Variants in UBE2D3 observed in about 807,000 individuals in gnomAD.
UBE2D3 encodes the protein ubiquitin conjugating enzyme E2 D3.
UBE2D3 carries 2 observed loss-of-function variants against 22.8 expected under a neutral mutation model. The ratio of observed to expected loss-of-function variants is 0.09; its 90% CI spans 0.04 to 0.28. The LOEUF is 0.28. Among genes scored for constraint, UBE2D3 ranks in the 10% least tolerant of loss-of-function variants. The pLI, the probability that UBE2D3 is intolerant of heterozygous loss-of-function variation, is 1.00. For synonymous variants in UBE2D3, 56 were observed against 60.4 expected, an observed-to-expected ratio of 0.93 and a Z score of 0.34; for missense variants, 27 against 182.5, an observed-to-expected ratio of 0.15 and a Z score of 4.91.
intron 1 of UBE2D3, among the ~76,000 whole-genome samples, chr4:102,853,135 ATTTTTTT>A (rs151339235): frequency 1.4e-4 from 12 of 88,598 alleles, no homozygotes; most frequent in Admixed American, 2.9e-4. Context: ...AAACACACAC[ATTTTTTT>A]TTTTTTTTTT....
intron 4 of UBE2D3, among the ~76,000 whole-genome samples, chr4:102,805,398 A>G (rs904227744): frequency 1.3e-5 from 2 of 152,042 alleles, no homozygotes; most frequent in African/African-American, 4.8e-5. Context: ...TTTATGTTAG[A>G]TTTTTTCAGA....
At chr4:102,859,623 CTT>C (rs1732784394) in intron 1 of UBE2D3, among the ~76,000 whole-genome samples, 1 of 151,716 alleles carries the variant, frequency 6.6e-6, no homozygotes, top group African/African-American at 2.4e-5. Context: ...AATCTGCCTC[CTT>C]TCTCTTTCTC....
intron 1 of UBE2D3, among the ~76,000 whole-genome samples, chr4:102,835,464 A>G (rs1354765789): frequency 6.6e-6 from 1 of 152,238 alleles, no homozygotes; most frequent in African/African-American, 2.4e-5. Flanking sequence ...AATATGAAGT[A>G]TATTAGAGAT....
At chr4:102,809,621 T>A in intron 4 of UBE2D3, 51 bp downstream of exon 4, 1 of 1,520,520 alleles carries the variant, frequency 6.6e-7, no homozygotes, top group Non-Finnish European at 8.9e-7. Context: ...TACAACCAAA[T>A]CAATGCTGGA....
At chr4:102,806,747 TAA>T (rs557923316) in intron 4 of UBE2D3, among the ~76,000 whole-genome samples, 126 of 152,240 alleles carry the variant, frequency 8.3e-4, no homozygotes, top group Non-Finnish European at 1.6e-3. Context: ...TTTAAGCAAG[TAA>T]ATATCAGAGG....
intron 1 of UBE2D3, among the ~76,000 whole-genome samples, chr4:102,833,489 G>A (rs980359883): frequency 9.9e-5 from 15 of 152,184 alleles, no homozygotes; most frequent in African/African-American, 3.6e-4. Context: ...AGGTGACTGA[G>A]ACTGTGCTTA....
intron 1 of UBE2D3, among the ~76,000 whole-genome samples, chr4:102,867,664 C>T (rs932614281): frequency 3.3e-5 from 5 of 152,054 alleles, no homozygotes; most frequent in African/African-American, 1.2e-4. Flanking sequence ...TTGGGTGTGG[C>T]AGCACACGCC....
At chr4:102,831,284 T>C (rs1731102259), upstream of UBE2D3, among the ~76,000 whole-genome samples, 1 of 152,242 alleles carries the variant, frequency 6.6e-6, no homozygotes, top group Admixed American at 6.5e-5. Flanking sequence ...TTGATTTCTA[T>C]ACTTAACAAT....
At chr4:102,837,757 C>G (rs956892367) in intron 1 of UBE2D3, among the ~76,000 whole-genome samples, 3 of 152,176 alleles carry the variant, frequency 2.0e-5, no homozygotes, top group African/African-American at 7.2e-5. Flanking sequence ...CGAGACCATC[C>G]TGGCTAACAT....
chr4:102,827,569 T>C, upstream of UBE2D3: 2 of 986,244 alleles, frequency 2.0e-6, no homozygotes, highest in Non-Finnish European at 2.4e-6. Flanking sequence ...GCTGCCACGC[T>C]CCGCCCCTCC....
intron 1 of UBE2D3, among the ~76,000 whole-genome samples, chr4:102,845,966 T>G (rs563690573): frequency 3.5e-4 from 54 of 152,256 alleles, no homozygotes; most frequent in Admixed American, 8.5e-4. Flanking sequence ...AATTTTTGTA[T>G]TTTTACTAGA....
intron 1 of UBE2D3, among the ~76,000 whole-genome samples, chr4:102,833,669 T>C (rs1006885961): frequency 6.6e-6 from 1 of 152,208 alleles, no homozygotes; most frequent in African/African-American, 2.4e-5. Flanking sequence ...GCTAGGCAGG[T>C]AGAACAGATA....
At chr4:102,823,526 A>T (rs76087045) in intron 2 of UBE2D3, among the ~76,000 whole-genome samples, 2,358 of 152,334 alleles carry the variant, frequency 0.015, 60 homozygotes, top group African/African-American at 0.051. Flanking sequence ...GGGTGTATAC[A>T]ATGAAAACAT....
chr4:102,858,967 T>G lies in UBE2D3; in HGVS notation c.-129+9748A>C, dbSNP rs138571323. 7.1e-4 allele frequency among the ~76,000 whole-genome samples: 108 copies of G among 152,172 alleles called. 2 individuals are homozygous for G. Among genetic ancestry groups the G allele is most frequent in the African/African-American group, 2.5e-3 (105 of 41,566 alleles). On this transcript the variant is annotated intron_variant, in intron 1 of 7. Transcript: ENST00000338145. ...CCATTACATTACAGTATTCTGAATGTAACTCTATACTTCCCTTTACCAGGG... is the reference window on the plus strand; with the variant it reads ...CCATTACATTACAGTATTCTGAATGGAACTCTATACTTCCCTTTACCAGGG...
chr4:102,811,461 C>G (rs1170713080), intron 2 of UBE2D3: 1 of 162,510 alleles, frequency 6.2e-6, no homozygotes, highest in Non-Finnish European at 1.3e-5. Flanking sequence ...AAGGGTGGAT[C>G]ACCTAAGGTC....
rs1460007677 is a variant in UBE2D3, at chr4:102,827,472, C to A, written c.-174G>T. ...CAAGCTGCGGCCTCGGCCTCCTCCCCGCGCGGCAGCTGGTGCCTCCCCGGC... is the reference window on the plus strand; with the variant it reads ...CAAGCTGCGGCCTCGGCCTCCTCCCAGCGCGGCAGCTGGTGCCTCCCCGGC... On this transcript the variant is annotated 5_prime_UTR_variant, in exon 1 of 8. Transcript: ENST00000453744. 38 of 986,102 alleles carry A rather than the reference C, an allele frequency of 3.9e-5. No homozygotes were observed. The highest frequency in any genetic ancestry group is 6.1e-5 in the Admixed American group (1 of 16,280). The allele number at this position is 986,102 out of a possible 1,614,324, so 61.1% of individuals were successfully genotyped here. A position where few individuals can be genotyped will look rare whatever the true frequency, so the allele number is the denominator to read the frequency against.
At chr4:102,827,644 C>T (rs1294686824), upstream of UBE2D3, 24 of 986,192 alleles carry the variant, frequency 2.4e-5, no homozygotes, top group Non-Finnish European at 2.8e-5. Flanking sequence ...AGCACAAGAC[C>T]GATGTGAGGC....
chr4:102,809,022 T>TAAAA (rs3974641), intron 4 of UBE2D3: 9 of 152,400 alleles, frequency 5.9e-5, no homozygotes, highest in South Asian at 3.1e-4. Flanking sequence ...CTTAGCAAGT[T>TAAAA]AAAAAAAAAA....
chr4:102,816,582 C>T (rs1340022048), intron 2 of UBE2D3, among the ~76,000 whole-genome samples: 6 of 152,148 alleles, frequency 3.9e-5, no homozygotes, highest in African/African-American at 9.7e-5. Context: ...AAAATATATA[C>T]AGCAGTAGTG....
Sources: gnomAD v4.1 joint callset for allele counts (sites outside exome capture counted in the v4.1 genomes callset) on GRCh38, gnomAD v4.1.1 for gene constraint, MANE v1.5 for transcripts, NCBI Gene and HGNC (gene_info 2026-07-23, HGNC 2026-07-21) for gene names.